Variants in NRXN3 observed in about 807,000 individuals in gnomAD.
The protein encoded by NRXN3 is neurexin III.
In NRXN3, 32 loss-of-function variants were observed where a neutral mutation model predicts 137.6. The ratio of observed to expected loss-of-function variants is 0.23; its 90% CI spans 0.18 to 0.31. The LOEUF (loss-of-function observed/expected upper bound fraction) is 0.31. Among genes scored for constraint, NRXN3 ranks in the 10% least tolerant of loss-of-function variants. The pLI is 1.00. For synonymous variants in NRXN3, 798 were observed against 784.5 expected (o/e 1.02, Z -0.29); for missense variants, 1,574 against 2,062.5 (o/e 0.76, Z 4.59).
chr14:79,289,056 T>C (rs1446521256), intron 15 of NRXN3, among the ~76,000 whole-genome samples: 3 of 152,122 alleles, frequency 2.0e-5, no homozygotes, highest in Non-Finnish European at 2.9e-5. Flanking sequence ...CTCGTAGAAC[T>C]TAGAGATATA....
chr14:79,760,251 A>T (rs899286361), intron 19 of NRXN3, among the ~76,000 whole-genome samples: 1 of 151,656 alleles, frequency 6.6e-6, no homozygotes, highest in Non-Finnish European at 1.5e-5. Flanking sequence ...AGACCCAGTG[A>T]TAGTTAGAAA....
At chr14:79,793,347 G>A (rs899083909) in intron 19 of NRXN3, among the ~76,000 whole-genome samples, 7 of 152,256 alleles carry the variant, frequency 4.6e-5, no homozygotes, top group African/African-American at 9.6e-5. Flanking sequence ...CCCGGGAGGC[G>A]GAGCTTGCAG....
At chr14:78,737,307 C>T (rs2098545400) in intron 8 of NRXN3, among the ~76,000 whole-genome samples, 1 of 152,248 alleles carries the variant, frequency 6.6e-6, no homozygotes, top group Middle Eastern at 3.4e-3. Context: ...TATTGGTACC[C>T]AAAGGTACCA....
chr14:79,422,342 C>A (rs1270371525), intron 15 of NRXN3, among the ~76,000 whole-genome samples: 1 of 152,142 alleles, frequency 6.6e-6, no homozygotes. Flanking sequence ...GGATTACAGG[C>A]ATGAGCCACC....
At chr14:79,676,392 T>C (rs2098641018) in intron 17 of NRXN3, among the ~76,000 whole-genome samples, 1 of 152,048 alleles carries the variant, frequency 6.6e-6, no homozygotes, top group Admixed American at 6.6e-5. Context: ...TCTCTTTCTA[T>C]GTATTTCCTT....
chr14:78,623,497 ATGCCATTCATTTAT>A (rs1253295423), intron 4 of NRXN3, among the ~76,000 whole-genome samples: 3 of 152,346 alleles, frequency 2.0e-5, no homozygotes, highest in Admixed American at 6.5e-5. Context: ...GCTACAGTAG[ATGCCATTCATTTAT>A]TGCCATTCAT....
At chr14:78,232,918 G>A (rs1372618298) in intron 1 of NRXN3, among the ~76,000 whole-genome samples, 1 of 152,218 alleles carries the variant, frequency 6.6e-6, no homozygotes, top group African/African-American at 2.4e-5. Flanking sequence ...TTGGGTTCCT[G>A]GCTGTACTGA....
chr14:79,119,810 A>G (rs2055103500), intron 15 of NRXN3, among the ~76,000 whole-genome samples: 1 of 151,994 alleles, frequency 6.6e-6, no homozygotes, highest in Admixed American at 6.6e-5. Flanking sequence ...ACTGTTTTCT[A>G]CTTATCCAAT....
intron 4 of NRXN3, among the ~76,000 whole-genome samples, chr14:78,513,025 G>T (rs2096138022): frequency 6.6e-6 from 1 of 152,166 alleles, no homozygotes; most frequent in South Asian, 2.1e-4. Flanking sequence ...AGCATTTGTT[G>T]TAAGGCCCTC....
chr14:78,883,675 G>A (rs1356549397), intron 10 of NRXN3, among the ~76,000 whole-genome samples: 1 of 152,162 alleles, frequency 6.6e-6, no homozygotes, highest in Non-Finnish European at 1.5e-5. Context: ...GTGTATTTTA[G>A]GGTTGCACTC....
rs141564979 is a variant in NRXN3 at position 78,992,188 on chromosome 14, G to T, written c.3262+4047G>T. Among the ~76,000 whole-genome samples the T allele has an allele frequency of 2.7e-3, 410 of 152,258 alleles. 1 individual carries two copies. The highest frequency in any genetic ancestry group is 9.6e-3 in the African/African-American group (399 of 41,548). ...AGTTTCTTTTGGGTTGACTTTTAGGGCTGTTTTGATTCTGCAATCTAATCA... is the reference window on the plus strand; with the variant it reads ...AGTTTCTTTTGGGTTGACTTTTAGGTCTGTTTTGATTCTGCAATCTAATCA... On this transcript the variant is annotated intron_variant, in intron 15 of 20. Coordinates refer to ENST00000335750, the MANE Select transcript of NRXN3 (RefSeq NM_001330195.2).
At chr14:79,119,341 G>T (rs1027088798) in intron 15 of NRXN3, among the ~76,000 whole-genome samples, 1 of 152,012 alleles carries the variant, frequency 6.6e-6, no homozygotes, top group Non-Finnish European at 1.5e-5. Flanking sequence ...TGCTGATCAG[G>T]CTGAGGTGTT....
intron 10 of NRXN3, among the ~76,000 whole-genome samples, chr14:78,810,795 G>A (rs1057054698): frequency 2.0e-5 from 3 of 152,188 alleles, no homozygotes; most frequent in African/African-American, 7.2e-5. Context: ...TTCTTTCCCA[G>A]TATTTATCTC....
intron 6 of NRXN3, among the ~76,000 whole-genome samples, chr14:78,680,696 C>G (rs75472878): frequency 6.6e-6 from 1 of 152,086 alleles, no homozygotes; most frequent in African/African-American, 2.4e-5. Context: ...AACAACTCAA[C>G]AGTTTTTGTA....
intron 3 of NRXN3, among the ~76,000 whole-genome samples, chr14:78,289,628 G>C (rs1028331784): frequency 2.0e-5 from 3 of 151,440 alleles, no homozygotes; most frequent in Non-Finnish European, 4.4e-5. Context: ...AAAAACGCTC[G>C]ATGGGGGCCA....
At chr14:78,590,110 CT>C (rs2097103421) in intron 4 of NRXN3, among the ~76,000 whole-genome samples, 1 of 152,194 alleles carries the variant, frequency 6.6e-6, no homozygotes, top group South Asian at 2.1e-4. Context: ...AGGACTCAGG[CT>C]ATGAAGGGTC....
At chr14:78,940,731 C>A (rs537157944) in intron 10 of NRXN3, among the ~76,000 whole-genome samples, 1 of 152,194 alleles carries the variant, frequency 6.6e-6, no homozygotes, top group Non-Finnish European at 1.5e-5. Context: ...TTCCCTTGAA[C>A]GTTTTCCCCC....
At chr14:78,798,365 C>T (rs1205926777) in intron 8 of NRXN3, among the ~76,000 whole-genome samples, 3 of 152,174 alleles carry the variant, frequency 2.0e-5, no homozygotes, top group Non-Finnish European at 2.9e-5. Context: ...CCAAAATGAT[C>T]TCCTTTGACT....
chr14:79,527,706 C>A (rs558650494), intron 16 of NRXN3, among the ~76,000 whole-genome samples: 2 of 151,790 alleles, frequency 1.3e-5, no homozygotes, highest in African/African-American at 4.8e-5. Context: ...AACCCCGTCT[C>A]TACTAAAAAT....
Sources: allele counts gnomAD v4.1 joint callset (sites outside exome capture counted in the v4.1 genomes callset), GRCh38; gene constraint gnomAD v4.1.1; transcripts MANE v1.5; gene names NCBI Gene and HGNC (gene_info 2026-07-23, HGNC 2026-07-21).